Variants in KCND2 observed in about 807,000 individuals in gnomAD.
KCND2 encodes the protein A-type voltage-gated potassium channel KCND2.
A neutral mutation model predicts 54.4 loss-of-function variants in KCND2; 16 were observed. The ratio of observed to expected loss-of-function variants is 0.29; its 90% CI spans 0.20 to 0.45. KCND2 has a LOEUF of 0.45. Ranked by LOEUF, KCND2 falls within the 20% of genes least tolerant of loss-of-function variation. The pLI, the probability that KCND2 is intolerant of heterozygous loss-of-function variation, is 1.00. For missense variants in KCND2, 486 were observed against 824.2 expected (o/e 0.59, Z 5.02); for synonymous variants, 317 against 310.7 (o/e 1.02, Z -0.21).
intron 1 of KCND2, among the ~76,000 whole-genome samples, chr7:120,413,265 A>G (rs776475289): frequency 3.3e-5 from 5 of 152,078 alleles, no homozygotes; most frequent in Admixed American, 6.6e-5. Context: ...TTGAAGAATT[A>G]GTGAAGACTA....
At chr7:120,721,395 A>G (rs1462574076) in intron 1 of KCND2, among the ~76,000 whole-genome samples, 1 of 152,220 alleles carries the variant, frequency 6.6e-6, no homozygotes. Context: ...AATAATCCAA[A>G]CACAAATCCA....
intron 2 of KCND2, among the ~76,000 whole-genome samples, chr7:120,736,734 A>G (rs556364203): frequency 6.6e-6 from 1 of 152,030 alleles, no homozygotes; most frequent in South Asian, 2.1e-4. Context: ...TTCACAATCA[A>G]CTTGCAAAGG....
At chr7:120,420,073 C>T (rs1801590021) in intron 1 of KCND2, among the ~76,000 whole-genome samples, 1 of 150,090 alleles carries the variant, frequency 6.7e-6, no homozygotes, top group South Asian at 2.1e-4. Flanking sequence ...TCTGAATTTC[C>T]TAGTTTCTAA....
rs1350082341 is a variant in KCND2 at position 120,333,092 on chromosome 7, A to G, written c.1115+57345A>G. Among the ~76,000 whole-genome samples the G allele has an allele frequency of 2.0e-5, 3 of 152,128 alleles. No individual in the cohort carries two copies. The South Asian group carries it at 6.2e-4, about 31-fold the overall frequency. Reference sequence around the variant, plus strand: ...TACAGCATTGTCTGATGATTGGAAGAATATGAGTCTGGAGAACAGAGATCT... The same window carrying G: ...TACAGCATTGTCTGATGATTGGAAGGATATGAGTCTGGAGAACAGAGATCT... On this transcript the variant is annotated intron_variant, in intron 1 of 5. Coordinates refer to ENST00000331113, the MANE Select transcript of KCND2 (RefSeq NM_012281.3).
intron 1 of KCND2, among the ~76,000 whole-genome samples, chr7:120,690,287 T>C (rs928422484): frequency 1.3e-5 from 2 of 152,232 alleles, no homozygotes; most frequent in African/African-American, 4.8e-5. Flanking sequence ...GCTTTATTAT[T>C]TTTAAAATAA....
chr7:120,634,953 A>T (rs1299977957), intron 1 of KCND2, among the ~76,000 whole-genome samples: 2 of 152,294 alleles, frequency 1.3e-5, no homozygotes, highest in South Asian at 4.1e-4. Flanking sequence ...TCTCAGCTAC[A>T]TCATGCTGTT....
chr7:120,549,162 A>G (rs1419900143), intron 1 of KCND2, among the ~76,000 whole-genome samples: 1 of 152,136 alleles, frequency 6.6e-6, no homozygotes, highest in African/African-American at 2.4e-5. Flanking sequence ...GAAGTTGCAC[A>G]TCGGATTTAG....
At position 120,409,370 on chromosome 7, in the gene KCND2, G is replaced by T. The variant is rs115167555; in HGVS notation, c.1115+133623G>T. ...TATATACTATGGCTCTATGAACATTGATAAACATTTTTGTAGACATATTCA... is the reference window on the plus strand; with the variant it reads ...TATATACTATGGCTCTATGAACATTTATAAACATTTTTGTAGACATATTCA... On this transcript the variant is annotated intron_variant, in intron 1 of 5. Transcript: ENST00000331113. Among the ~76,000 whole-genome samples, 1,259 of 151,948 alleles carry T rather than the reference G, an allele frequency of 8.3e-3. 12 individuals are homozygous for T. Among genetic ancestry groups the T allele is most frequent in the African/African-American group, 0.029 (1,192 of 41,482 alleles).
At chr7:120,598,466 A>G (rs1329862222) in intron 1 of KCND2, among the ~76,000 whole-genome samples, 2 of 144,202 alleles carry the variant, frequency 1.4e-5, no homozygotes, top group African/African-American at 2.6e-5. Flanking sequence ...CTGCCAAACT[A>G]TTTTCCCATG....
At chr7:120,485,554 G>A (rs1443773909) in intron 1 of KCND2, among the ~76,000 whole-genome samples, 4 of 152,110 alleles carry the variant, frequency 2.6e-5, no homozygotes, top group South Asian at 2.1e-4. Flanking sequence ...AGGGTGTTTC[G>A]CAGATGACCT....
At chr7:120,280,328 A>T (rs899314055) in intron 1 of KCND2, among the ~76,000 whole-genome samples, 5 of 152,148 alleles carry the variant, frequency 3.3e-5, no homozygotes, top group African/African-American at 9.6e-5. Flanking sequence ...TTTGATGTGG[A>T]ATTTAAAAAT....
Position 120,732,071 on chromosome 7 carries a change from C to A in KCND2, c.1116-832C>A, listed in dbSNP as rs140459201. 3.7e-3 allele frequency among the ~76,000 whole-genome samples: 563 copies of A among 152,156 alleles called. 1 individual carries two copies. Among genetic ancestry groups the A allele is most frequent in the Non-Finnish European group, 5.3e-3 (360 of 67,994 alleles). On this transcript the variant is annotated intron_variant, in intron 1 of 5. Transcript: ENST00000331113. ...CTGATTTTCAGGAGAGACATCATGG[C>A]TGTCAATATAAATCAAGAGCATCAG... is the stretch of plus-strand genomic sequence containing the variant.
At chr7:120,485,950 CTG>C (rs1802687435) in intron 1 of KCND2, among the ~76,000 whole-genome samples, 1 of 152,176 alleles carries the variant, frequency 6.6e-6, no homozygotes, top group Admixed American at 6.5e-5. Context: ...CAGGTCTGAA[CTG>C]TTTAGAATTC....
rs1204830740 is a variant in KCND2, at chr7:120,653,259, T to C, written c.1116-79644T>C. Among the ~76,000 whole-genome samples the C allele has an allele frequency of 4.6e-5, 7 of 151,430 alleles. No individual in the cohort carries two copies. In the East Asian group the frequency reaches 1.4e-3, roughly 29 times the overall value. ...TGGGGTCTCTCTATGTTACCCAGCC[T>C]GGTCTCAAACTTCTGAGCTCAAGTG... is the stretch of plus-strand genomic sequence containing the variant. On this transcript the variant is annotated intron_variant, in intron 1 of 5. Transcript: ENST00000331113.
chr7:120,567,909 T>C lies in KCND2; in HGVS notation c.1116-164994T>C, dbSNP rs1309759121. ...CAGGTAGGCACACAATTCTTTCATC[T>C]TTCTCTCTATTTAGATATACTTTGC... On this transcript the variant is annotated intron_variant, in intron 1 of 5. Coordinates refer to ENST00000331113, the MANE Select transcript of KCND2 (RefSeq NM_012281.3). 2.6e-5 allele frequency among the ~76,000 whole-genome samples: 4 copies of C among 152,148 alleles called. 1 individual carries two copies. In the South Asian group the frequency reaches 6.2e-4, roughly 24 times the overall value.
At chr7:120,448,614 A>C (rs1002410501) in intron 1 of KCND2, among the ~76,000 whole-genome samples, 1 of 152,016 alleles carries the variant, frequency 6.6e-6, no homozygotes, top group Non-Finnish European at 1.5e-5. Flanking sequence ...CAGAGACACA[A>C]TAAAAAAAAA....
intron 1 of KCND2, among the ~76,000 whole-genome samples, chr7:120,477,185 T>A (rs908354254): frequency 1.4e-4 from 22 of 152,230 alleles, no homozygotes; most frequent in African/African-American, 5.1e-4. Context: ...ATGCACTGAA[T>A]AGCTTAGAGT....
At chr7:120,566,974 A>T (rs1792306811) in intron 1 of KCND2, among the ~76,000 whole-genome samples, 1 of 152,182 alleles carries the variant, frequency 6.6e-6, no homozygotes. Context: ...GAATGCTTTT[A>T]AAAAACAGCA....
rs1792105383 is a variant in KCND2 at position 120,551,562 on chromosome 7, A to G, written c.1116-181341A>G. Among the ~76,000 whole-genome samples, 3 of 152,306 alleles carry G rather than the reference A, an allele frequency of 2.0e-5. No homozygotes were observed. The South Asian group carries it at 6.2e-4, about 32-fold the overall frequency. On this transcript the variant is annotated intron_variant, in intron 1 of 5. Coordinates refer to ENST00000331113, the MANE Select transcript of KCND2 (RefSeq NM_012281.3). ...ATCATCACATTTTCTCAGTGCAGAG[A>G]AAGATATACTATTGCATTTGTTTTA... is the stretch of plus-strand genomic sequence containing the variant.
Sources: allele counts gnomAD v4.1 joint callset (sites outside exome capture counted in the v4.1 genomes callset), GRCh38; gene constraint gnomAD v4.1.1; transcripts MANE v1.5; gene names NCBI Gene and HGNC (gene_info 2026-07-23, HGNC 2026-07-21).